Variants in SPON1 observed in about 807,000 individuals in gnomAD.
The protein encoded by SPON1 is spondin-1.
SPON1 carries 52 observed loss-of-function variants against 111.7 expected under a neutral mutation model. That is an observed-to-expected ratio of 0.47 (90% CI 0.37 to 0.59). The LOEUF is 0.59. Ranked by LOEUF, SPON1 falls within the 20% of genes least tolerant of loss-of-function variation. The pLI, the probability that SPON1 is intolerant of heterozygous loss-of-function variation, is 0.00. For missense variants in SPON1, 957 were observed against 1,068.5 expected, an observed-to-expected ratio of 0.90 and a Z score of 1.46; for synonymous variants, 410 against 395.8, an observed-to-expected ratio of 1.04 and a Z score of -0.43.
chr11:14,179,534 G>T (rs782609952), intron 6 of SPON1, among the ~76,000 whole-genome samples: 4 of 152,096 alleles, frequency 2.6e-5, no homozygotes, highest in Non-Finnish European at 4.4e-5. Context: ...GTGGAGTGAG[G>T]GTGGGGGTTG....
intron 6 of SPON1, among the ~76,000 whole-genome samples, chr11:14,143,297 C>T (rs1346602811): frequency 6.6e-6 from 1 of 152,150 alleles, no homozygotes; most frequent in Non-Finnish European, 1.5e-5. Context: ...TGTGGTGGCT[C>T]ATGCCTGTAA....
intron 6 of SPON1, among the ~76,000 whole-genome samples, chr11:14,220,826 T>C (rs1340761550): frequency 6.6e-6 from 1 of 152,242 alleles, no homozygotes; most frequent in Non-Finnish European, 1.5e-5. Context: ...TTACCCATTA[T>C]CTTGGTGATG....
intron 2 of SPON1, among the ~76,000 whole-genome samples, chr11:14,011,219 C>T (rs2133798518): frequency 6.6e-6 from 1 of 152,300 alleles, no homozygotes; most frequent in South Asian, 2.1e-4. Context: ...CTGGACTCTA[C>T]TGAAAACCAT....
chr11:14,001,615 C>CGTTA (rs1333494511), intron 2 of SPON1, among the ~76,000 whole-genome samples: 1 of 152,130 alleles, frequency 6.6e-6, no homozygotes, highest in African/African-American at 2.4e-5. Flanking sequence ...AAAGATAGAC[C>CGTTA]GTTACCCTTT....
chr11:14,266,632 A>T lies in SPON1; in HGVS notation c.*945A>T, dbSNP rs1554942526. ...GCAAGAAAACATTTTTGCTATACAA[A>T]CATTTTGCTAAGTCTGCCCAAAGCC... On this transcript the variant is annotated 3_prime_UTR_variant, in exon 16 of 16. Coordinates refer to ENST00000576479, the MANE Select transcript of SPON1 (RefSeq NM_006108.4). The T allele has an allele frequency of 6.6e-6, 1 of 152,136 alleles. No homozygotes were observed. The highest frequency in any genetic ancestry group is 1.5e-5 in the Non-Finnish European group (1 of 68,024). 9.4% of individuals were successfully genotyped at this position (152,136 alleles called of 1,614,324 possible). A position where few individuals can be genotyped will look rare whatever the true frequency, so the allele number is the denominator to read the frequency against.
At chr11:14,244,193 T>C (rs555181469) in intron 7 of SPON1, among the ~76,000 whole-genome samples, 1 of 152,146 alleles carries the variant, frequency 6.6e-6, no homozygotes, top group African/African-American at 2.4e-5. Flanking sequence ...TCAGTCCAAT[T>C]CCTCATCCAC....
At chr11:13,983,725 G>C (rs1848161726) in intron 2 of SPON1, among the ~76,000 whole-genome samples, 1 of 152,200 alleles carries the variant, frequency 6.6e-6, no homozygotes, top group Admixed American at 6.5e-5. Context: ...GATCCTAGGA[G>C]GAGGCCTGGC....
chr11:14,107,935 C>T (rs1849198027), intron 5 of SPON1, among the ~76,000 whole-genome samples: 1 of 152,114 alleles, frequency 6.6e-6, no homozygotes, highest in South Asian at 2.1e-4. Context: ...ACTAGAGGGG[C>T]TTATGGAAGC....
Position 14,260,584 on chromosome 11 carries a change from C to T in SPON1, c.1832-4C>T, listed in dbSNP as rs1159511540. 2 of 1,612,308 alleles carry T rather than the reference C, an allele frequency of 1.2e-6. No individual in the cohort carries two copies. Among genetic ancestry groups the T allele is most frequent in the Non-Finnish European group, 1.7e-6 (2 of 1,178,972 alleles). On this transcript the variant is annotated splice_region_variant and splice_polypyrimidine_tract_variant and intron_variant, in intron 13 of 15. Coordinates refer to ENST00000576479, the MANE Select transcript of SPON1 (RefSeq NM_006108.4). Reference sequence around the variant, plus strand: ...CTCAGTGGCAAACCTGGTTCTTGATCTAGACACCATCCCATGCTTGCTGTC... The same window carrying T: ...CTCAGTGGCAAACCTGGTTCTTGATTTAGACACCATCCCATGCTTGCTGTC...
At chr11:14,117,687 T>C (rs1849276801) in intron 5 of SPON1, among the ~76,000 whole-genome samples, 1 of 152,212 alleles carries the variant, frequency 6.6e-6, no homozygotes, top group Non-Finnish European at 1.5e-5. Context: ...CTGACCCCTC[T>C]TTTGTCCTAT....
chr11:13,988,508 C>T (rs979978057), intron 2 of SPON1, among the ~76,000 whole-genome samples: 16 of 152,170 alleles, frequency 1.1e-4, no homozygotes, highest in African/African-American at 3.9e-4. Context: ...GACAATTTGA[C>T]TTCCTCTCTT....
intron 1 of SPON1, among the ~76,000 whole-genome samples, chr11:13,976,086 T>C (rs1431749736): frequency 1.3e-5 from 2 of 152,220 alleles, no homozygotes; most frequent in Non-Finnish European, 2.9e-5. Context: ...TCAACCTCTT[T>C]TTAAAAATAA....
intron 6 of SPON1, among the ~76,000 whole-genome samples, chr11:14,160,483 A>ACATATATATATT (rs1564918955): frequency 0.018 from 117 of 6,632 alleles, 23 homozygotes; most frequent in Admixed American, 0.019. Flanking sequence ...ATATATATTT[A>ACATATATATATT]TATATATATA....
chr11:14,093,950 G>A (rs1849079101), intron 5 of SPON1, among the ~76,000 whole-genome samples: 1 of 152,068 alleles, frequency 6.6e-6, no homozygotes, highest in Non-Finnish European at 1.5e-5. Flanking sequence ...TGGTGGTCAC[G>A]CCTATGATCC....
intron 1 of SPON1, among the ~76,000 whole-genome samples, chr11:13,966,748 G>T (rs2133771855): frequency 6.6e-6 from 1 of 152,316 alleles, no homozygotes. Flanking sequence ...CTTTGATGTT[G>T]GGTGGGTTGG....
chr11:14,151,462 G>A, intron 6 of SPON1, among the ~76,000 whole-genome samples: 1 of 152,194 alleles, frequency 6.6e-6, no homozygotes. Flanking sequence ...GAGCAAGGAA[G>A]CGACCAGAGA....
At chr11:13,968,408 T>G (rs1207607776) in intron 1 of SPON1, among the ~76,000 whole-genome samples, 1 of 152,240 alleles carries the variant, frequency 6.6e-6, no homozygotes, top group Non-Finnish European at 1.5e-5. Context: ...TATGAAGTAC[T>G]TGAAATGTGG....
At chr11:14,096,588 G>A (rs1554923897) in intron 5 of SPON1, among the ~76,000 whole-genome samples, 2 of 152,298 alleles carry the variant, frequency 1.3e-5, no homozygotes, top group African/African-American at 4.8e-5. Context: ...GGAGGCTGCA[G>A]GTGGGTGGTC....
At chr11:14,124,236 C>G (rs1395449004) in intron 5 of SPON1, among the ~76,000 whole-genome samples, 1 of 152,104 alleles carries the variant, frequency 6.6e-6, no homozygotes, top group Non-Finnish European at 1.5e-5. Context: ...CGTAGTCTTA[C>G]ACATATCTCT....
Sources: allele counts gnomAD v4.1 joint callset (sites outside exome capture counted in the v4.1 genomes callset), GRCh38; gene constraint gnomAD v4.1.1; transcripts MANE v1.5; gene names NCBI Gene and HGNC (gene_info 2026-07-23, HGNC 2026-07-21).